The following MCMDC2 variants were observed in gnomAD, a reference collection of about 807,000 sequenced individuals.
MCMDC2 encodes the protein minichromosome maintenance domain-containing protein 2.
In MCMDC2, 54 loss-of-function variants were observed where a neutral mutation model predicts 75.8. The ratio of observed to expected loss-of-function variants is 0.71; its 90% CI spans 0.57 to 0.89. The LOEUF (loss-of-function observed/expected upper bound fraction) is 0.89. MCMDC2 is among the 40% of genes least tolerant of loss of function. The probability of loss-of-function intolerance (pLI) is 0.00; values close to 1 mark genes in which losing one functional copy is unlikely to be tolerated. For synonymous variants in MCMDC2, 249 were observed against 274.6 expected, an observed-to-expected ratio of 0.91 and a Z score of 0.92; for missense variants, 656 against 780.4, an observed-to-expected ratio of 0.84 and a Z score of 1.90.
chr8:66,916,365 A>G (rs1813320298), intron 14 of MCMDC2, among the ~76,000 whole-genome samples: 1 of 152,248 alleles, frequency 6.6e-6, no homozygotes, highest in Non-Finnish European at 1.5e-5. Context: ...TGATGTCATC[A>G]GCTGAAAATG....
At chr8:66,871,395 A>C (rs1461924643) in intron 1 of MCMDC2, 1 of 152,088 alleles carries the variant, frequency 6.6e-6, no homozygotes, top group Non-Finnish European at 1.5e-5. Context: ...CCCATATTAA[A>C]ACCCCACTTA....
chr8:66,883,967 TAAC>T lies in MCMDC2; in HGVS notation c.1049_1051del (p.Thr350del). Reference sequence around the variant, plus strand: ...GAAGATTGCCTGGATATTTTAATTATAACAAGTGATACTCTACTCATAGACAGG... The same window carrying T: ...GAAGATTGCCTGGATATTTTAATTATAAGTGATACTCTACTCATAGACAGG... On this transcript the variant is annotated inframe_deletion, in exon 9 of 15. Transcript: ENST00000422365. 6.2e-7 allele frequency: 1 copy of T among 1,612,096 alleles called. No individual in the cohort carries two copies. The highest frequency in any genetic ancestry group is 8.5e-7 in the Non-Finnish European group (1 of 1,178,394).
intron 14 of MCMDC2, among the ~76,000 whole-genome samples, chr8:66,905,822 T>C (rs1158942249): frequency 6.6e-6 from 1 of 151,896 alleles, no homozygotes; most frequent in Non-Finnish European, 1.5e-5. Flanking sequence ...CTGCCTAATA[T>C]GGTGAAAACC....
chr8:66,903,527 A>G (rs922321604), intron 13 of MCMDC2, among the ~76,000 whole-genome samples: 83 of 152,360 alleles, frequency 5.4e-4, no homozygotes, highest in Non-Finnish European at 2.5e-4. Context: ...TGGTACTGCT[A>G]CATCACAACA....
chr8:66,878,504 C>G, intron 5 of MCMDC2, 70 bp from the exon 6 acceptor site: 1 of 1,433,184 alleles, frequency 7.0e-7, no homozygotes, highest in Non-Finnish European at 9.3e-7. Flanking sequence ...TAAAAAATGA[C>G]AACAACAAAA....
intron 12 of MCMDC2, among the ~76,000 whole-genome samples, chr8:66,897,817 G>A (rs908789135): frequency 1.3e-5 from 2 of 152,100 alleles, no homozygotes; most frequent in Non-Finnish European, 2.9e-5. Flanking sequence ...GCTATTAAAG[G>A]TACTCACATA....
chr8:66,913,962 TAAAAAAAAAAAAAA>T (rs961586876), intron 14 of MCMDC2, among the ~76,000 whole-genome samples: 3 of 78,600 alleles, frequency 3.8e-5, no homozygotes, highest in African/African-American at 1.5e-4. Flanking sequence ...AGACTCTGTC[TAAAAAAAAAAAAAA>T]AAAAAAAAAG....
chr8:66,908,395 C>T (rs1252213612), intron 14 of MCMDC2, among the ~76,000 whole-genome samples: 2 of 152,064 alleles, frequency 1.3e-5, no homozygotes, highest in Non-Finnish European at 2.9e-5. Flanking sequence ...TCTTTACATG[C>T]TTCTCCTAGT....
In MCMDC2 at chr8:66,919,838, C is replaced by T. The variant is rs1331986410; in HGVS notation, c.*669C>T. On this transcript the variant is annotated 3_prime_UTR_variant, in exon 15 of 15. Coordinates refer to ENST00000422365, the MANE Select transcript of MCMDC2 (RefSeq NM_173518.5). ...TTATAAATTGGCTCTCTAACCCTAA[C>T]TGGTTACAAGAAAGGCTCCAAAAGG... The T allele has an allele frequency of 6.6e-6, 1 of 152,190 alleles. No homozygotes were observed. The highest frequency in any genetic ancestry group is 2.4e-5 in the African/African-American group (1 of 41,438). The allele number at this position is 152,190 out of a possible 1,614,324, so 9.4% of individuals were successfully genotyped here.
At position 66,919,198 on chromosome 8, in the gene MCMDC2, A is replaced by G; in HGVS notation, c.*29A>G. The G allele has an allele frequency of 1.3e-6, 2 of 1,517,780 alleles. No individual in the cohort carries two copies. The highest frequency in any genetic ancestry group is 2.5e-5 in the South Asian group (2 of 78,680). 94.0% of individuals were successfully genotyped at this position (1,517,780 alleles called of 1,614,324 possible). A position where few individuals can be genotyped will look rare whatever the true frequency, so the allele number is the denominator to read the frequency against. On this transcript the variant is annotated 3_prime_UTR_variant, in exon 15 of 15. Coordinates refer to ENST00000422365, the MANE Select transcript of MCMDC2 (RefSeq NM_173518.5). ...ATTTGAGGAATTTTTGTTCATTCCT[A>G]CTTAAGCAGTGGAGAAAAAGTGTGA...
At chr8:66,884,960 A>G (rs563750258) in intron 9 of MCMDC2, among the ~76,000 whole-genome samples, 1 of 151,930 alleles carries the variant, frequency 6.6e-6, no homozygotes, top group Non-Finnish European at 1.5e-5. Context: ...AATTTTTTAT[A>G]TAAACAAAGT....
intron 4 of MCMDC2, 65 bp from the exon 5 acceptor site, chr8:66,877,284 A>G (rs905050793): frequency 9.8e-7 from 1 of 1,016,200 alleles, no homozygotes; most frequent in South Asian, 1.5e-5. Context: ...TATACTTACT[A>G]TATTGTAATA....
intron 1 of MCMDC2, among the ~76,000 whole-genome samples, chr8:66,871,237 C>T (rs1422609107): frequency 6.6e-6 from 1 of 152,144 alleles, no homozygotes; most frequent in Admixed American, 6.5e-5. Context: ...GAACTCCAGG[C>T]CCTGATTTAT....
rs150671692 is a variant in MCMDC2, at chr8:66,894,834, C to A, written c.1280-1336C>A. 8.4e-4 allele frequency among the ~76,000 whole-genome samples: 128 copies of A among 152,272 alleles called. 1 individual carries two copies. Among genetic ancestry groups the A allele is most frequent in the African/African-American group, 2.8e-3 (117 of 41,552 alleles). On this transcript the variant is annotated intron_variant, in intron 10 of 14. Coordinates refer to ENST00000422365, the MANE Select transcript of MCMDC2 (RefSeq NM_173518.5). ...TATTCACAGAGTTGTGCTACTATTA[C>A]CACTAACTTCAGAATATTTTCATCA... is the stretch of plus-strand genomic sequence containing the variant.
intron 10 of MCMDC2, among the ~76,000 whole-genome samples, chr8:66,892,305 T>C (rs1319904631): frequency 3.3e-5 from 5 of 152,190 alleles, no homozygotes; most frequent in African/African-American, 9.7e-5. Context: ...GTGAGCTGGC[T>C]AGGAAAGTGT....
intron 12 of MCMDC2, among the ~76,000 whole-genome samples, chr8:66,900,175 G>A (rs1812585866): frequency 6.6e-6 from 1 of 151,946 alleles, no homozygotes; most frequent in Non-Finnish European, 1.5e-5. Context: ...GGTGGCTCAT[G>A]CCTGTAATCC....
chr8:66,874,824 T>C (rs557034848), intron 4 of MCMDC2, among the ~76,000 whole-genome samples: 125 of 152,216 alleles, frequency 8.2e-4, no homozygotes, highest in Middle Eastern at 6.8e-3. Flanking sequence ...AGTGGCACAA[T>C]CTCAGCTCAC....
intron 13 of MCMDC2, 148 bp downstream of exon 13, chr8:66,901,496 G>C (rs1812657881): frequency 4.4e-6 from 6 of 1,370,142 alleles, no homozygotes; most frequent in Middle Eastern, 2.6e-4. Context: ...AGGACTAAAG[G>C]CTTCACAATT....
intron 14 of MCMDC2, among the ~76,000 whole-genome samples, chr8:66,910,733 C>G (rs1356520173): frequency 6.6e-6 from 1 of 151,720 alleles, no homozygotes; most frequent in Non-Finnish European, 1.5e-5. Context: ...CGCTTGAACC[C>G]GGGAGACGGA....
Sources: allele counts gnomAD v4.1 joint callset (sites outside exome capture counted in the v4.1 genomes callset), GRCh38; gene constraint gnomAD v4.1.1; transcripts MANE v1.5; gene names NCBI Gene and HGNC (gene_info 2026-07-23, HGNC 2026-07-21).